QSOX1: variants seen among roughly 807,000 people sequenced by gnomAD.
The protein encoded by QSOX1 is sulfhydryl oxidase 1.
Under a neutral mutation model 76.1 loss-of-function variants are expected in QSOX1, and 40 were observed. That is an observed-to-expected ratio of 0.53 (90% CI 0.41 to 0.68). The LOEUF (loss-of-function observed/expected upper bound fraction) is 0.68. QSOX1 is among the 30% of genes least tolerant of loss of function. QSOX1 has a pLI of 0.00. For synonymous variants in QSOX1, 392 were observed against 413.1 expected, an observed-to-expected ratio of 0.95 and a Z score of 0.62; for missense variants, 931 against 974.3, an observed-to-expected ratio of 0.96 and a Z score of 0.59.
chr1:180,193,037 G>A (rs1663359435), intron 10 of QSOX1, among the ~76,000 whole-genome samples: 1 of 152,130 alleles, frequency 6.6e-6, no homozygotes, highest in African/African-American at 2.4e-5. Context: ...CAAGGGCTGT[G>A]TCGGTGGAGT....
intron 1 of QSOX1, among the ~76,000 whole-genome samples, chr1:180,158,255 C>T (rs1250687989): frequency 2.0e-5 from 3 of 152,138 alleles, no homozygotes; most frequent in African/African-American, 4.8e-5. Flanking sequence ...ACAGCATGTG[C>T]CGAGCTATGG....
chr1:180,192,644 G>T (rs1572054893), intron 10 of QSOX1, among the ~76,000 whole-genome samples: 2 of 152,156 alleles, frequency 1.3e-5, no homozygotes, highest in African/African-American at 4.8e-5. Context: ...AGCCTCTGGT[G>T]GATGATGGTC....
intron 11 of QSOX1, among the ~76,000 whole-genome samples, chr1:180,195,675 C>A (rs987728814): frequency 1.3e-5 from 2 of 152,108 alleles, no homozygotes; most frequent in Admixed American, 6.5e-5. Flanking sequence ...AGGTCTCCCC[C>A]CAACTATCCC....
In QSOX1 at chr1:180,180,811, G is replaced by A. The variant is rs55893159; in HGVS notation, c.607-1363G>A. ...ATTACAGGTGTGAGCCACCACGCCC[G>A]GCCTGGGAGCTTTATTTTTAAGTAA... On this transcript the variant is annotated intron_variant, in intron 5 of 11. Coordinates refer to ENST00000367602, the MANE Select transcript of QSOX1 (RefSeq NM_002826.5). Among the ~76,000 whole-genome samples the A allele has an allele frequency of 6.9e-3, 1,050 of 152,314 alleles. 1 individual carries two copies. The highest frequency in any genetic ancestry group is 0.012 in the Non-Finnish European group (787 of 68,046).
At position 180,155,243 on chromosome 1, in the gene QSOX1, C is replaced by T. The variant is rs187596070; in HGVS notation, c.265+71C>T. Reference sequence around the variant, plus strand: ...CCCCTCCACCTGCCCGGTGGGCAGCCTCCTACTCCGGGAGCGCGTCCCTCT... The same window carrying T: ...CCCCTCCACCTGCCCGGTGGGCAGCTTCCTACTCCGGGAGCGCGTCCCTCT... On this transcript the variant is annotated intron_variant, in intron 1 of 11. Coordinates refer to ENST00000367602, the MANE Select transcript of QSOX1 (RefSeq NM_002826.5). 4 of 1,350,834 alleles carry T rather than the reference C, an allele frequency of 3.0e-6. No individual in the cohort carries two copies. The African/African-American group carries it at 4.6e-5, about 16-fold the overall frequency. 83.7% of individuals were successfully genotyped at this position (1,350,834 alleles called of 1,614,324 possible). A position where few individuals can be genotyped will look rare whatever the true frequency, so the allele number is the denominator to read the frequency against.
rs138982043 is a variant in QSOX1 at position 180,168,947 on chromosome 1, G to C, written c.366+2356G>C. On this transcript the variant is annotated intron_variant, in intron 2 of 11. Coordinates refer to ENST00000367602, the MANE Select transcript of QSOX1 (RefSeq NM_002826.5). ...AAAAGCGAGGGCCCATGCGAAGCAG[G>C]GGGAGGAGAGAGTGCTTTTGGTATG... is the stretch of plus-strand genomic sequence containing the variant. Among the ~76,000 whole-genome samples the C allele has an allele frequency of 5.8e-4, 89 of 152,346 alleles. 1 individual carries two copies. Among genetic ancestry groups the C allele is most frequent in the African/African-American group, 2.1e-3 (87 of 41,584 alleles).
intron 1 of QSOX1, 28 bp from the exon 2 acceptor site, chr1:180,166,463 T>C (rs773563910): frequency 1.4e-5 from 22 of 1,596,352 alleles, no homozygotes; most frequent in Admixed American, 1.2e-4. Flanking sequence ...GCCCCTCTTA[T>C]TTACCCCTGG....
chr1:180,188,818 C>T (rs566971207), intron 8 of QSOX1, among the ~76,000 whole-genome samples: 2 of 152,388 alleles, frequency 1.3e-5, no homozygotes, highest in East Asian at 3.9e-4. Context: ...CAGCCTGCTG[C>T]TGTGTCCCTC....
intron 11 of QSOX1, among the ~76,000 whole-genome samples, chr1:180,195,001 G>GGGGA (rs1553275539): frequency 6.7e-6 from 1 of 149,092 alleles, no homozygotes; most frequent in African/African-American, 2.5e-5. Flanking sequence ...CCTCCCGGGG[G>GGGGA]GGGGAGACCA....
intron 3 of QSOX1, 73 bp from the exon 4 acceptor site, chr1:180,175,858 T>G: frequency 8.3e-7 from 1 of 1,207,330 alleles, no homozygotes; most frequent in Non-Finnish European, 1.2e-6. Flanking sequence ...TTTCTGGGAG[T>G]GAAGGTGGCC....
rs539823971 is a variant in QSOX1 at position 180,198,884 on chromosome 1, C to T, written c.*1847C>T. 7 of 167,838 alleles carry T rather than the reference C, an allele frequency of 4.2e-5. No individual in the cohort carries two copies. In the South Asian group the frequency reaches 1.0e-3, roughly 25 times the overall value. The allele number at this position is 167,838 out of a possible 1,614,324, so 10.4% of individuals were successfully genotyped here. On this transcript the variant is annotated 3_prime_UTR_variant, in exon 12 of 12. Coordinates refer to ENST00000367602, the MANE Select transcript of QSOX1 (RefSeq NM_002826.5). ...CTGTGTGCCCACTGCACCAAGGCCG[C>T]TGAATAAGCCTGCCCTTCACCCCCT...
chr1:180,186,751 G>A (rs191156136), intron 8 of QSOX1, among the ~76,000 whole-genome samples: 51 of 152,358 alleles, frequency 3.3e-4, no homozygotes, highest in South Asian at 1.0e-3. Flanking sequence ...ACTACTCTGC[G>A]AGGTGGGTGG....
intron 1 of QSOX1, among the ~76,000 whole-genome samples, chr1:180,163,757 CT>C (rs1262487073): frequency 6.6e-6 from 1 of 152,170 alleles, no homozygotes; most frequent in African/African-American, 2.4e-5. Context: ...TGTAGATTTT[CT>C]TCTAAAGTCA....
At position 180,194,373 on chromosome 1, in the gene QSOX1, G is replaced by C; in HGVS notation, c.1449G>C (p.Arg483Ser). The C allele has an allele frequency of 1.3e-6, 2 of 1,562,220 alleles. No homozygotes were observed. Among genetic ancestry groups the C allele is most frequent in the East Asian group, 4.7e-5 (2 of 42,970 alleles). Residue 483 changes from arginine (R) to serine (S), a missense_variant, in exon 11 of 12, where the codon AGG becomes AGC. Coordinates refer to ENST00000367602, the MANE Select transcript of QSOX1 (RefSeq NM_002826.5). ...AVLWLWSSHN[R>S]VNARLAGAPS... ...TCTGGCTCTGGTCTAGCCACAACAG[G>C]GTCAATGCTCGCCTTGCAGGTAAGG...
At position 180,196,191 on chromosome 1, in the gene QSOX1, TGGA is replaced by T; in HGVS notation, c.1469-66_1469-64del. 1.3e-6 allele frequency: 2 copies of T among 1,524,410 alleles called. No individual in the cohort carries two copies. Among genetic ancestry groups the T allele is most frequent in the Non-Finnish European group, 1.8e-6 (2 of 1,129,068 alleles). 94.4% of individuals were successfully genotyped at this position (1,524,410 alleles called of 1,614,324 possible). ...CAGACAAGGAAGCTGGCGTTCTGAG[TGGA>T]GGAGTGTGGTCTGGGTTTTTGGGTG... On this transcript the variant is annotated intron_variant, in intron 11 of 11. Transcript: ENST00000367602. This position sits in a 1 kb window ranked among gnomAD's most constrained non-coding sequence, Gnocchi z 4.1.
At chr1:180,165,925 C>T (rs370642656) in intron 1 of QSOX1, among the ~76,000 whole-genome samples, 9 of 152,250 alleles carry the variant, frequency 5.9e-5, no homozygotes, top group African/African-American at 2.2e-4. Context: ...CCCCGCAGTT[C>T]CTGGATTCCA....
At chr1:180,162,643 G>A (rs1662520373) in intron 1 of QSOX1, among the ~76,000 whole-genome samples, 1 of 152,092 alleles carries the variant, frequency 6.6e-6, no homozygotes, top group African/African-American at 2.4e-5. Flanking sequence ...AGCAGCTGAG[G>A]TGGGAGAATT....
In QSOX1 at chr1:180,197,252, T is replaced by C; in HGVS notation, c.*215T>C. ...AGGAGCAGGGTCCAGGTTCCCCTGC[T>C]GTGCAGGGAGGGCAGCCCCGGGCAG... On this transcript the variant is annotated 3_prime_UTR_variant, in exon 12 of 12. Coordinates refer to ENST00000367602, the MANE Select transcript of QSOX1 (RefSeq NM_002826.5). 3 of 1,608,104 alleles carry C rather than the reference T, an allele frequency of 1.9e-6. No homozygotes were observed. The highest frequency in any genetic ancestry group is 2.5e-6 in the Non-Finnish European group (3 of 1,177,750).
At chr1:180,185,964 C>G in intron 7 of QSOX1, 89 bp from the exon 8 acceptor site, 1 of 1,495,990 alleles carries the variant, frequency 6.7e-7, no homozygotes, top group Non-Finnish European at 9.3e-7. Flanking sequence ...TGCCCCTTCT[C>G]TTCTCTCCCT....
Sources: gnomAD v4.1 joint callset for allele counts (sites outside exome capture counted in the v4.1 genomes callset) on GRCh38, gnomAD v4.1.1 for gene constraint, Gnocchi (gnomAD v3.1) non-coding constraint, MANE v1.5 for transcripts, NCBI Gene and HGNC (gene_info 2026-07-23, HGNC 2026-07-21) for gene names.